Variants in ESR1 observed in about 807,000 individuals in gnomAD.
The protein encoded by ESR1 is estrogen receptor.
In ESR1, 12 loss-of-function variants were observed where a neutral mutation model predicts 52.7. The ratio of observed to expected loss-of-function variants is 0.23; its 90% CI spans 0.15 to 0.37. ESR1 has a LOEUF of 0.37. ESR1 is among the 10% of genes least tolerant of loss of function. ESR1 has a pLI of 1.00. For missense variants in ESR1, 584 were observed against 779.7 expected (o/e 0.75, Z 2.99); for synonymous variants, 305 against 316.8 (o/e 0.96, Z 0.39).
intron 6 of ESR1, chr6:152,113,022 A>G (rs1562796972): frequency 6.6e-6 from 1 of 152,262 alleles, no homozygotes; most frequent in Admixed American, 6.5e-5. Flanking sequence ...GAGCTCACCC[A>G]AAGAGGATGC....
At chr6:152,011,028 C>A (rs1160524048) in intron 4 of ESR1, among the ~76,000 whole-genome samples, 2 of 151,970 alleles carry the variant, frequency 1.3e-5, no homozygotes, top group African/African-American at 2.4e-5. Flanking sequence ...CTTTAATCTC[C>A]TAGTTCACCA....
intron 2 of ESR1, among the ~76,000 whole-genome samples, chr6:151,844,797 C>T (rs765908975): frequency 8.6e-5 from 13 of 150,940 alleles, no homozygotes; most frequent in Non-Finnish European, 1.2e-4. Context: ...TTAGATGTTC[C>T]GAGAGAAATA....
At chr6:151,657,183 A>G (rs1247116927) in intron 1 of ESR1, among the ~76,000 whole-genome samples, 3 of 152,176 alleles carry the variant, frequency 2.0e-5, no homozygotes, top group African/African-American at 7.2e-5. Flanking sequence ...AAACTGATTT[A>G]GATAGGCAGT....
intron 2 of ESR1, among the ~76,000 whole-genome samples, chr6:151,742,947 G>T (rs1050481316): frequency 3.3e-5 from 5 of 152,178 alleles, no homozygotes; most frequent in African/African-American, 1.2e-4. Flanking sequence ...AAAATTGAAT[G>T]GTGCTTAATA....
chr6:152,049,560 C>A (rs2046503391), intron 5 of ESR1, among the ~76,000 whole-genome samples: 1 of 152,152 alleles, frequency 6.6e-6, no homozygotes, highest in Non-Finnish European at 1.5e-5. Context: ...CCATTTGCAC[C>A]AGCATGAATG....
chr6:152,091,696 G>C (rs1009050721), intron 6 of ESR1, among the ~76,000 whole-genome samples: 2 of 152,134 alleles, frequency 1.3e-5, no homozygotes, highest in Admixed American at 6.5e-5. Flanking sequence ...ATGGTGAAAT[G>C]CTGTCTCTTG....
At chr6:152,073,029 T>G (rs2048469914) in intron 6 of ESR1, among the ~76,000 whole-genome samples, 1 of 152,228 alleles carries the variant, frequency 6.6e-6, no homozygotes, top group Non-Finnish European at 1.5e-5. Context: ...TCTTTTGTAC[T>G]TGCTTATGTA....
intron 4 of ESR1, among the ~76,000 whole-genome samples, chr6:151,982,186 C>T (rs760006168): frequency 6.6e-6 from 1 of 152,194 alleles, no homozygotes; most frequent in Non-Finnish European, 1.5e-5. Flanking sequence ...GGCTGACACA[C>T]CTAAACGCCA....
At chr6:152,030,370 A>G (rs1562695922) in intron 5 of ESR1, among the ~76,000 whole-genome samples, 1 of 152,090 alleles carries the variant, frequency 6.6e-6, no homozygotes. Flanking sequence ...AAGACCCATC[A>G]GCGTGCTGTA....
At position 152,094,094 on chromosome 6, in the gene ESR1, T is replaced by C. The variant is rs774515022; in HGVS notation, c.1370-291T>C. 1.3e-5 allele frequency among the ~76,000 whole-genome samples: 2 copies of C among 152,242 alleles called. No homozygotes were observed. The highest frequency in any genetic ancestry group is 2.9e-5 in the Non-Finnish European group (2 of 68,044). On this transcript the variant is annotated intron_variant, in intron 6 of 7. Coordinates refer to ENST00000206249, the MANE Select transcript of ESR1 (RefSeq NM_000125.4). The surrounding 1 kb of genome is among the most constrained non-coding windows in gnomAD (Gnocchi z 4.6). ...AATTCATGATGGTGTCAGACCTGTCTGAGAAAAGGTGGCCCATGTTACCAT... is the reference window on the plus strand; with the variant it reads ...AATTCATGATGGTGTCAGACCTGTCCGAGAAAAGGTGGCCCATGTTACCAT...
chr6:151,910,177 C>A (rs1229221226), intron 3 of ESR1, among the ~76,000 whole-genome samples: 1 of 151,476 alleles, frequency 6.6e-6, no homozygotes, highest in Non-Finnish European at 1.5e-5. Flanking sequence ...AGCCACTAGC[C>A]ACAGGTGGCT....
intron 6 of ESR1, among the ~76,000 whole-genome samples, chr6:152,116,028 T>C (rs2051206410): frequency 6.6e-6 from 1 of 152,184 alleles, no homozygotes; most frequent in African/African-American, 2.4e-5. Flanking sequence ...ACATTAATAA[T>C]TTGGGAATAA....
chr6:152,021,266 C>A (rs1455611006), intron 5 of ESR1, among the ~76,000 whole-genome samples: 1 of 152,142 alleles, frequency 6.6e-6, no homozygotes, highest in African/African-American at 2.4e-5. Flanking sequence ...TTCTACCATG[C>A]TGAATGCTTC....
At chr6:151,923,075 G>A (rs968213038) in intron 3 of ESR1, among the ~76,000 whole-genome samples, 6 of 152,032 alleles carry the variant, frequency 3.9e-5, no homozygotes. Context: ...TTGTTAATCT[G>A]TACTCATGTA....
chr6:152,014,215 G>T (rs2042992647), intron 5 of ESR1, among the ~76,000 whole-genome samples: 1 of 152,128 alleles, frequency 6.6e-6, no homozygotes, highest in South Asian at 2.1e-4. Flanking sequence ...CCAGTCTCAG[G>T]TAGGTCTTTA....
intron 2 of ESR1, among the ~76,000 whole-genome samples, chr6:151,726,875 A>G (rs1205474016): frequency 6.6e-6 from 1 of 152,072 alleles, no homozygotes; most frequent in East Asian, 1.9e-4. Context: ...TACTGCATTG[A>G]CTAGGATCCT....
At chr6:152,041,839 A>G (rs1425550946) in intron 5 of ESR1, among the ~76,000 whole-genome samples, 1 of 152,242 alleles carries the variant, frequency 6.6e-6, no homozygotes, top group Non-Finnish European at 1.5e-5. Context: ...CCTTATGGAC[A>G]GGAATGGAGA....
At chr6:152,065,761 A>C (rs2047918172) in intron 6 of ESR1, among the ~76,000 whole-genome samples, 2 of 152,146 alleles carry the variant, frequency 1.3e-5, no homozygotes, top group African/African-American at 4.8e-5. Context: ...TGGCTTCTGC[A>C]TCACTGTTCA....
At chr6:152,063,548 A>T (rs1349805119) in intron 6 of ESR1, among the ~76,000 whole-genome samples, 2 of 152,242 alleles carry the variant, frequency 1.3e-5, no homozygotes, top group Non-Finnish European at 2.9e-5. Context: ...ACAATGTTGT[A>T]GCATTAGGAG....
Sources: gnomAD v4.1 joint callset for allele counts (sites outside exome capture counted in the v4.1 genomes callset) on GRCh38, gnomAD v4.1.1 for gene constraint, Gnocchi (gnomAD v3.1) non-coding constraint, MANE v1.5 for transcripts, NCBI Gene and HGNC (gene_info 2026-07-23, HGNC 2026-07-21) for gene names.